The following ANKMY2 variants were observed in gnomAD, a reference collection of about 807,000 sequenced individuals.
ANKMY2 encodes ankyrin repeat and MYND domain containing 2.
A neutral mutation model predicts 50.4 loss-of-function variants in ANKMY2; 36 were observed. The observed-to-expected ratio is 0.71, with a 90% CI of 0.55 to 0.94. ANKMY2 has a LOEUF of 0.94. Ranked by LOEUF, ANKMY2 falls within the 40% of genes least tolerant of loss-of-function variation. ANKMY2 has a pLI of 0.00. For synonymous variants in ANKMY2, 187 were observed against 178.8 expected, an observed-to-expected ratio of 1.05 and a Z score of -0.36; for missense variants, 565 against 524.0, an observed-to-expected ratio of 1.08 and a Z score of -0.76.
Position 16,610,543 on chromosome 7 carries a change from G to C in ANKMY2, c.746+6C>G, listed in dbSNP as rs760340587. The C allele has an allele frequency of 5.6e-6, 9 of 1,599,898 alleles. No homozygotes were observed. In the East Asian group the frequency reaches 1.3e-4, roughly 24 times the overall value. ...TATTTTATAAACGACATAGTAAAAA[G>C]AGTACCTTTTGATCAAGGTGTCCAG... On this transcript the variant is annotated splice_donor_region_variant and intron_variant, in intron 6 of 9. Transcript: ENST00000306999.
rs769985270 is a variant in ANKMY2, at chr7:16,616,113, G to C, written c.371-209C>G. Among the ~76,000 whole-genome samples, 156 of 152,194 alleles carry C rather than the reference G, an allele frequency of 1.0e-3. 1 individual carries two copies. The highest frequency in any genetic ancestry group is 3.4e-3 in the Middle Eastern group (1 of 294). On this transcript the variant is annotated intron_variant, in intron 4 of 9. Coordinates refer to ENST00000306999, the MANE Select transcript of ANKMY2 (RefSeq NM_020319.3). ...CTTGTAAAGTTGATAAACAATCTTT[G>C]AAAGACACAGAATCCAAAATACATA...
At chr7:16,639,142 C>T (rs183359460) in intron 1 of ANKMY2, among the ~76,000 whole-genome samples, 5 of 152,242 alleles carry the variant, frequency 3.3e-5, no homozygotes, top group East Asian at 3.9e-4. Context: ...TGACATTAGT[C>T]GGAAATTATA....
intron 2 of ANKMY2, among the ~76,000 whole-genome samples, chr7:16,633,161 G>A (rs1373642801): frequency 6.7e-6 from 1 of 149,726 alleles, no homozygotes; most frequent in Non-Finnish European, 1.5e-5. Context: ...TTCCTTATCA[G>A]ATATAATTTA....
intron 4 of ANKMY2, among the ~76,000 whole-genome samples, chr7:16,622,497 G>A (rs974387337): frequency 6.6e-6 from 1 of 152,056 alleles, no homozygotes; most frequent in Non-Finnish European, 1.5e-5. Flanking sequence ...CCAGCACTTT[G>A]GGAGGCCGAG....
At chr7:16,645,046 T>C (rs527553527) in intron 1 of ANKMY2, among the ~76,000 whole-genome samples, 1 of 151,988 alleles carries the variant, frequency 6.6e-6, no homozygotes, top group Non-Finnish European at 1.5e-5. Context: ...AAGGGCGCCC[T>C]CCACTCCCAA....
chr7:16,622,753 TAA>T (rs1781456307), intron 4 of ANKMY2, among the ~76,000 whole-genome samples: 1 of 14,890 alleles, frequency 6.7e-5, no homozygotes, highest in Non-Finnish European at 1.9e-4. Flanking sequence ...AATAAATGAA[TAA>T]ATAAATAAAT....
chr7:16,627,057 A>G lies in ANKMY2; in HGVS notation c.254T>C (p.Met85Thr), dbSNP rs146080456. 4.4e-6 allele frequency: 7 copies of G among 1,605,680 alleles called. No individual in the cohort carries two copies. The East Asian group carries it at 1.3e-4, about 31-fold the overall frequency. ...HQHEHGYTAL[M>T]FAALSGNKDI... ...AACTTCACCAGAAAGTGCAGCAAACATGAGGGCTGTGTATCCATGTTCATG... is the reference window on the plus strand; with the variant it reads ...AACTTCACCAGAAAGTGCAGCAAACGTGAGGGCTGTGTATCCATGTTCATG... The change falls in exon 3 of 10, where the codon ATG (methionine) becomes ACG (threonine). Residue 85 changes from methionine to threonine, a missense_variant. Transcript: ENST00000306999.
At chr7:16,644,930 T>G (rs1392187392) in intron 1 of ANKMY2, 21 of 336,574 alleles carry the variant, frequency 6.2e-5, no homozygotes, top group South Asian at 3.0e-4. Flanking sequence ...CTAGGGTTCC[T>G]GAGGCTGTCG....
chr7:16,609,211 C>T (rs1781206551), intron 7 of ANKMY2, among the ~76,000 whole-genome samples: 1 of 152,156 alleles, frequency 6.6e-6, no homozygotes, highest in South Asian at 2.1e-4. Context: ...TGAGCCTTCC[C>T]ATGGCTTATC....
chr7:16,602,144 A>G (rs80143045), intron 9 of ANKMY2, among the ~76,000 whole-genome samples: 7,453 of 152,298 alleles, frequency 0.049, 236 homozygotes, highest in Non-Finnish European at 0.069. Flanking sequence ...AGAATGTAAA[A>G]TATGAAATAA....
chr7:16,625,259 C>A lies in ANKMY2; in HGVS notation c.272-178G>T, dbSNP rs937152137. ...CAGTAAAGAATAAAATGCTATAGAA[C>A]CTTAGAAATTAACCTTATTTTCTGG... is the stretch of plus-strand genomic sequence containing the variant. On this transcript the variant is annotated intron_variant, in intron 3 of 9. Transcript: ENST00000306999. 3.3e-5 allele frequency among the ~76,000 whole-genome samples: 5 copies of A among 152,100 alleles called. No individual in the cohort carries two copies. The East Asian group carries it at 9.6e-4, about 29-fold the overall frequency.
At chr7:16,635,715 C>G (rs1323679220) in intron 2 of ANKMY2, among the ~76,000 whole-genome samples, 3 of 152,064 alleles carry the variant, frequency 2.0e-5, no homozygotes, top group African/African-American at 4.8e-5. Context: ...ACTTAACTTT[C>G]CCTAGAACTG....
intron 8 of ANKMY2, chr7:16,603,529 G>A (rs758754516): frequency 1.4e-5 from 6 of 426,300 alleles, no homozygotes; most frequent in Admixed American, 7.6e-5. Flanking sequence ...AGATGGGAAT[G>A]AATGTTATTA....
intron 7 of ANKMY2, among the ~76,000 whole-genome samples, chr7:16,608,705 C>T (rs1337722627): frequency 6.6e-6 from 1 of 152,052 alleles, no homozygotes; most frequent in African/African-American, 2.4e-5. Context: ...AAAACCTATT[C>T]AAAATAGAAA....
At chr7:16,609,875 C>G (rs1267761422) in intron 6 of ANKMY2, 110 bp from the exon 7 acceptor site, 1 of 1,303,986 alleles carries the variant, frequency 7.7e-7, no homozygotes, top group African/African-American at 1.5e-5. Context: ...TTTTCTTTGT[C>G]TCTTCAAATC....
At chr7:16,616,007 C>T (rs9638734) in intron 4 of ANKMY2, 103 bp from the exon 5 acceptor site, 190,626 of 1,071,048 alleles carry the variant, frequency 0.18, 18,309 homozygotes, top group Middle Eastern at 0.27. Context: ...AAACATGCAC[C>T]AATATCTTTA....
At chr7:16,603,697 G>T (rs1781110562) in intron 8 of ANKMY2, 1 of 471,172 alleles carries the variant, frequency 2.1e-6, no homozygotes, top group Non-Finnish European at 4.4e-6. Context: ...ATTGGGCCAT[G>T]TAATTTGTTT....
intron 5 of ANKMY2, among the ~76,000 whole-genome samples, chr7:16,611,806 T>C (rs1392692221): frequency 6.6e-6 from 1 of 152,210 alleles, no homozygotes; most frequent in Non-Finnish European, 1.5e-5. Context: ...GTGCCCACCA[T>C]TGAGTGGTGT....
At chr7:16,641,400 T>C (rs898113479) in intron 1 of ANKMY2, among the ~76,000 whole-genome samples, 1 of 152,220 alleles carries the variant, frequency 6.6e-6, no homozygotes, top group African/African-American at 2.4e-5. Context: ...CTGTATAAAA[T>C]TGGGAGTATC....
Sources: allele counts gnomAD v4.1 joint callset (sites outside exome capture counted in the v4.1 genomes callset), GRCh38; gene constraint gnomAD v4.1.1; transcripts MANE v1.5; gene names NCBI Gene and HGNC (gene_info 2026-07-23, HGNC 2026-07-21).